The following BICRAL variants were observed in gnomAD, a reference collection of about 807,000 sequenced individuals.
BICRAL encodes the protein BRD4-interacting chromatin-remodeling complex-associated protein-like.
In BICRAL, 8 loss-of-function variants were observed where a neutral mutation model predicts 91.8. That is an observed-to-expected ratio of 0.09 (90% CI 0.05 to 0.16). The LOEUF (loss-of-function observed/expected upper bound fraction) is 0.16. Ranked by LOEUF, BICRAL falls within the 10% of genes least tolerant of loss-of-function variation. BICRAL has a pLI of 1.00. For missense variants in BICRAL, 1,038 were observed against 1,310.9 expected (o/e 0.79, Z 3.21); for synonymous variants, 445 against 491.1 (o/e 0.91, Z 1.24).
chr6:42,850,127 A>G (rs1765133619), intron 6 of BICRAL, among the ~76,000 whole-genome samples: 1 of 152,168 alleles, frequency 6.6e-6, no homozygotes, highest in African/African-American at 2.4e-5. Context: ...TTACATGTGA[A>G]TGGTTGGTGG....
At chr6:42,748,213 T>C (rs1762318156) in intron 1 of BICRAL, among the ~76,000 whole-genome samples, 1 of 151,730 alleles carries the variant, frequency 6.6e-6, no homozygotes, top group Admixed American at 6.6e-5. Flanking sequence ...CGTGGAGGAA[T>C]TGCAATAGCT....
intron 1 of BICRAL, among the ~76,000 whole-genome samples, chr6:42,792,048 G>A (rs1394169948): frequency 2.0e-5 from 3 of 151,912 alleles, no homozygotes; most frequent in African/African-American, 7.3e-5. Context: ...TGATACAAAA[G>A]AAAAAAATGG....
At chr6:42,848,021 C>G (rs865925723) in intron 6 of BICRAL, among the ~76,000 whole-genome samples, 1 of 151,380 alleles carries the variant, frequency 6.6e-6, no homozygotes, top group East Asian at 1.9e-4. Context: ...CCCAGCTACT[C>G]GGGAGGCTGA....
chr6:42,782,031 GC>G (rs1762926213), upstream of BICRAL: 4 of 146,662 alleles, frequency 2.7e-5, no homozygotes, highest in South Asian at 1.8e-4. Flanking sequence ...CGCGCCCGCC[GC>G]CGCCGCCGCC....
intron 1 of BICRAL, among the ~76,000 whole-genome samples, chr6:42,752,632 GTC>G (rs1762396869): frequency 6.6e-6 from 1 of 151,706 alleles, no homozygotes; most frequent in African/African-American, 2.4e-5. Context: ...TTTAGATTGA[GTC>G]TCACTGTTTC....
intron 1 of BICRAL, among the ~76,000 whole-genome samples, chr6:42,786,180 ATTCT>A (rs1358025463): frequency 6.6e-6 from 1 of 152,206 alleles, no homozygotes; most frequent in Non-Finnish European, 1.5e-5. Flanking sequence ...TCTCTTGTTG[ATTCT>A]TCTCAAATCG....
intron 5 of BICRAL, among the ~76,000 whole-genome samples, chr6:42,824,332 C>T (rs1042760606): frequency 1.3e-5 from 2 of 152,066 alleles, no homozygotes; most frequent in African/African-American, 4.8e-5. Context: ...TCCACTTTGC[C>T]ATTTTTCTAA....
At chr6:42,750,038 T>C (rs1415248480) in intron 1 of BICRAL, among the ~76,000 whole-genome samples, 1 of 151,846 alleles carries the variant, frequency 6.6e-6, no homozygotes, top group Non-Finnish European at 1.5e-5. Flanking sequence ...TTAATATATA[T>C]AGTTTTAGTA....
At chr6:42,789,115 A>G (rs1477816618) in intron 1 of BICRAL, among the ~76,000 whole-genome samples, 1 of 152,200 alleles carries the variant, frequency 6.6e-6, no homozygotes, top group Non-Finnish European at 1.5e-5. Context: ...CATGAAAATC[A>G]TTACTGGCTT....
intron 12 of BICRAL, among the ~76,000 whole-genome samples, chr6:42,864,160 T>C (rs1055845984): frequency 7.5e-6 from 1 of 132,976 alleles, no homozygotes; most frequent in Non-Finnish European, 1.6e-5. Flanking sequence ...AGAGCAAAAC[T>C]CCGTCTCAAA....
intron 1 of BICRAL, among the ~76,000 whole-genome samples, chr6:42,800,394 C>A (rs1336119604): frequency 6.6e-6 from 1 of 152,028 alleles, no homozygotes; most frequent in African/African-American, 2.4e-5. Context: ...CAACTCCTGA[C>A]CTCAAGTGAT....
At chr6:42,781,531 G>GA (rs1309527790), upstream of BICRAL, among the ~76,000 whole-genome samples, 1 of 130,752 alleles carries the variant, frequency 7.6e-6, no homozygotes. Context: ...AAATCTTGTA[G>GA]GGTTTTTTTT....
chr6:42,754,234 C>T (rs1762424547), intron 1 of BICRAL, among the ~76,000 whole-genome samples: 1 of 151,384 alleles, frequency 6.6e-6, no homozygotes, highest in South Asian at 2.1e-4. Flanking sequence ...TGTAGTGGCA[C>T]AATCTGGGCT....
chr6:42,780,857 C>T (rs1762889328), upstream of BICRAL, among the ~76,000 whole-genome samples: 1 of 152,074 alleles, frequency 6.6e-6, no homozygotes, highest in Admixed American at 6.6e-5. Flanking sequence ...CTGCCTCAGC[C>T]TCCCGAGTAG....
At chr6:42,786,010 G>A (rs1472424886) in intron 1 of BICRAL, among the ~76,000 whole-genome samples, 4 of 151,998 alleles carry the variant, frequency 2.6e-5, no homozygotes, top group African/African-American at 7.3e-5. Context: ...AGCTGAGATC[G>A]CGCCACTGCA....
intron 1 of BICRAL, among the ~76,000 whole-genome samples, chr6:42,754,155 A>G (rs1762423600): frequency 6.6e-6 from 1 of 151,634 alleles, no homozygotes; most frequent in African/African-American, 2.4e-5. Flanking sequence ...TTTAATGAGA[A>G]TTTGCTAACA....
chr6:42,785,840 G>A (rs760864425), intron 1 of BICRAL, among the ~76,000 whole-genome samples: 53 of 151,488 alleles, frequency 3.5e-4, no homozygotes, highest in Non-Finnish European at 3.1e-4. Context: ...CGGATCACGA[G>A]GTCAGGAGTT....
chr6:42,757,938 T>C (rs1031094877), intron 1 of BICRAL, among the ~76,000 whole-genome samples: 4 of 152,194 alleles, frequency 2.6e-5, no homozygotes, highest in Non-Finnish European at 4.4e-5. Flanking sequence ...GCAGTCTGGC[T>C]CCTGAGTTCA....
chr6:42,856,987 G>A (rs749725276), intron 9 of BICRAL, 104 bp from the exon 10 acceptor site: 67 of 956,498 alleles, frequency 7.0e-5, no homozygotes, highest in African/African-American at 8.3e-5. Flanking sequence ...AAAAACTGCC[G>A]TATTATTCCT....
Sources: allele counts gnomAD v4.1 joint callset (sites outside exome capture counted in the v4.1 genomes callset), GRCh38; gene constraint gnomAD v4.1.1; transcripts MANE v1.5; gene names NCBI Gene and HGNC (gene_info 2026-07-23, HGNC 2026-07-21).